The following PLXNC1 variants were observed in gnomAD, a reference collection of about 807,000 sequenced individuals.
The protein encoded by PLXNC1 is plexin-C1.
Under a neutral mutation model 178.2 loss-of-function variants are expected in PLXNC1, and 75 were observed. That is an observed-to-expected ratio of 0.42 (90% CI 0.35 to 0.51). The LOEUF (loss-of-function observed/expected upper bound fraction) is 0.51, where lower values mean the gene tolerates loss of function less well. PLXNC1 is among the 20% of genes least tolerant of loss of function. The pLI is 0.02. For synonymous variants in PLXNC1, 790 were observed against 779.9 expected (o/e 1.01, Z -0.22); for missense variants, 1,503 against 1,984.4 (o/e 0.76, Z 4.61).
intron 17 of PLXNC1, chr12:94,256,349 G>T (rs1278578408): frequency 6.6e-6 from 1 of 152,174 alleles, no homozygotes; most frequent in Non-Finnish European, 1.5e-5. Context: ...GGGTCTGGAG[G>T]TTGGAATGCC....
At chr12:94,304,121 A>T in intron 30 of PLXNC1, 70 bp downstream of exon 30, 1 of 1,016,900 alleles carries the variant, frequency 9.8e-7, no homozygotes, top group Non-Finnish European at 1.5e-6. Context: ...GCATTCTGTC[A>T]GTTTCAGAAC....
At position 94,177,161 on chromosome 12, in the gene PLXNC1, G is replaced by A. The variant is rs1409583721; in HGVS notation, c.1204-4285G>A. On this transcript the variant is annotated intron_variant, in intron 2 of 30. Coordinates refer to ENST00000258526, the MANE Select transcript of PLXNC1 (RefSeq NM_005761.3). ...TATGTGTGTGTGTGTATATATATAT[G>A]TATATATATATATACGTATATATAT... Among the ~76,000 whole-genome samples the A allele has an allele frequency of 6.4e-3, 584 of 91,176 alleles. 5 individuals are homozygous for A. Among genetic ancestry groups the A allele is most frequent in the Middle Eastern group, 0.015 (3 of 196 alleles). The allele number at this position is 91,176 out of a possible 152,430, so 59.8% of individuals were successfully genotyped here. A position where few individuals can be genotyped will look rare whatever the true frequency, so the allele number is the denominator to read the frequency against.
At chr12:94,227,809 C>T (rs1357573036) in intron 9 of PLXNC1, among the ~76,000 whole-genome samples, 2 of 152,206 alleles carry the variant, frequency 1.3e-5, no homozygotes, top group Admixed American at 6.5e-5. Context: ...TAAGCCCCCA[C>T]GTCAGTCATG....
intron 23 of PLXNC1, chr12:94,282,754 G>C (rs1592915040): frequency 5.4e-6 from 1 of 184,428 alleles, no homozygotes; most frequent in East Asian, 1.4e-4. Flanking sequence ...ACAAAGCCCG[G>C]GAAGTCCCAA....
Position 94,300,972 on chromosome 12 carries a change from A to C in PLXNC1, c.4301A>C (p.Lys1434Thr), listed in dbSNP as rs749525873. The change falls in exon 28 of 31, where the codon AAG becomes ACG. Residue 1434 changes from lysine to threonine, a missense_variant. Physicochemically the swap from Lys to Thr is moderately conservative, Grantham distance 78. Transcript: ENST00000258526. ...CCTCAGTTTGTCTTTGACATTAAGA[A>C]GACACCACATATAGACGGCTGTTTG... ...KNPQFVFDIKKTPHIDGCLSV... is the reference protein window; with the variant it reads ...KNPQFVFDIKTTPHIDGCLSV... 1.9e-6 allele frequency: 3 copies of C among 1,613,820 alleles called. No individual in the cohort carries two copies. In the Admixed American group the frequency reaches 5.0e-5, roughly 27 times the overall value.
chr12:94,254,883 G>T lies in PLXNC1; in HGVS notation c.2978G>T (p.Arg993Leu). Reference protein sequence around the residue: ...LLESELRKEIRDGFAELQMDK... With the variant: ...LLESELRKEILDGFAELQMDK... ...GAAAGCGAGCTCCGGAAAGAGATACGTGACGGTAGGCTCCAAAATTGTGTT... is the reference window on the plus strand; with the variant it reads ...GAAAGCGAGCTCCGGAAAGAGATACTTGACGGTAGGCTCCAAAATTGTGTT... Residue 993 changes from arginine to leucine, a missense_variant, in exon 16 of 31, where the codon CGT (arginine) becomes CTT (leucine). Physicochemically the swap from Arg to Leu is moderately radical, Grantham distance 102 (BLOSUM62 -2). Coordinates refer to ENST00000258526, the MANE Select transcript of PLXNC1 (RefSeq NM_005761.3). 6.2e-7 allele frequency: 1 copy of T among 1,607,660 alleles called. No individual in the cohort carries two copies. Among genetic ancestry groups the T allele is most frequent in the South Asian group, 1.1e-5 (1 of 89,648 alleles).
chr12:94,151,130 A>G (rs1186599163), intron 1 of PLXNC1, among the ~76,000 whole-genome samples: 1 of 152,198 alleles, frequency 6.6e-6, no homozygotes, highest in Non-Finnish European at 1.5e-5. Flanking sequence ...ATTAACGGCT[A>G]CAGGTGTTGC....
chr12:94,213,203 T>C (rs1297478154), intron 5 of PLXNC1, among the ~76,000 whole-genome samples: 3 of 152,240 alleles, frequency 2.0e-5, no homozygotes, highest in Non-Finnish European at 2.9e-5. Flanking sequence ...ATATTTCTAG[T>C]TCTAGATCCT....
At chr12:94,293,949 C>G (rs1967631645) in intron 23 of PLXNC1, among the ~76,000 whole-genome samples, 1 of 152,050 alleles carries the variant, frequency 6.6e-6, no homozygotes, top group Non-Finnish European at 1.5e-5. Flanking sequence ...GGGCACTATT[C>G]CCATCATGAG....
chr12:94,227,566 T>C (rs1963981389), intron 9 of PLXNC1: 2 of 241,490 alleles, frequency 8.3e-6, no homozygotes, highest in South Asian at 5.3e-5. Flanking sequence ...ACTTGCACTT[T>C]ATATAATTGC....
In PLXNC1 at chr12:94,255,300, A is replaced by G. The variant is rs1964808533; in HGVS notation, c.3087+4A>G. The stretch of plus-strand genomic sequence containing the variant: ...TCTGAGAACTTTCTTCCCTGAGGTA[A>G]AAGAGCATTGATCATATTCCGAAGG... On this transcript the variant is annotated splice_donor_region_variant and intron_variant, in intron 17 of 30. Coordinates refer to ENST00000258526, the MANE Select transcript of PLXNC1 (RefSeq NM_005761.3). The G allele has an allele frequency of 6.4e-7, 1 of 1,561,524 alleles. No individual in the cohort carries two copies. The highest frequency in any genetic ancestry group is 8.8e-7 in the Non-Finnish European group (1 of 1,131,980).
chr12:94,277,755 T>C (rs1245840514), intron 21 of PLXNC1: 10 of 354,658 alleles, frequency 2.8e-5, no homozygotes, highest in African/African-American at 6.4e-5. Context: ...ATGCCAACAA[T>C]AGTAATTGTA....
intron 22 of PLXNC1, among the ~76,000 whole-genome samples, chr12:94,280,569 C>A (rs891325561): frequency 2.6e-5 from 4 of 152,214 alleles, no homozygotes; most frequent in Admixed American, 6.5e-5. Flanking sequence ...GAAAGCAGGG[C>A]TGCTAAGGCA....
At chr12:94,235,305 T>C (rs1331466172) in intron 9 of PLXNC1, among the ~76,000 whole-genome samples, 2 of 152,220 alleles carry the variant, frequency 1.3e-5, no homozygotes, top group Non-Finnish European at 2.9e-5. Context: ...CGTAGAGCCA[T>C]TTAAGGAGCA....
rs1284228601 is a variant in PLXNC1, at chr12:94,306,011, A to C, written c.*726A>C. 1 of 152,166 alleles carries C rather than the reference A, an allele frequency of 6.6e-6. No homozygotes were observed. The highest frequency in any genetic ancestry group is 6.6e-5 in the Admixed American group (1 of 15,258). 9.4% of individuals were successfully genotyped at this position (152,166 alleles called of 1,614,324 possible). A position where few individuals can be genotyped will look rare whatever the true frequency, so the allele number is the denominator to read the frequency against. ...GCATTTTAACCAGATACTTTGTCCT[A>C]ATGTATGTTCCTTTTCTTCATCTGT... On this transcript the variant is annotated 3_prime_UTR_variant, in exon 31 of 31. Transcript: ENST00000258526.
chr12:94,212,783 G>A (rs1346207874), intron 5 of PLXNC1, among the ~76,000 whole-genome samples: 1 of 147,902 alleles, frequency 6.8e-6, no homozygotes, highest in African/African-American at 2.5e-5. Context: ...GCAGTGGCAC[G>A]ATCTTGGCTC....
At chr12:94,221,822 A>G (rs558583380) in intron 6 of PLXNC1, among the ~76,000 whole-genome samples, 1 of 152,280 alleles carries the variant, frequency 6.6e-6, no homozygotes, top group South Asian at 2.1e-4. Context: ...AGCCTCTTCT[A>G]TAAGGACACT....
intron 28 of PLXNC1, among the ~76,000 whole-genome samples, chr12:94,302,155 G>C (rs1275335255): frequency 6.6e-6 from 1 of 152,154 alleles, no homozygotes; most frequent in Non-Finnish European, 1.5e-5. Context: ...TTACCTACCA[G>C]CTAAAGTCTT....
At chr12:94,160,130 G>A (rs141335680) in intron 1 of PLXNC1, among the ~76,000 whole-genome samples, 10 of 152,196 alleles carry the variant, frequency 6.6e-5, no homozygotes, top group African/African-American at 2.4e-4. Flanking sequence ...AGTGTGCCAG[G>A]CCCTGTGTCA....
Sources: allele counts gnomAD v4.1 joint callset (sites outside exome capture counted in the v4.1 genomes callset), GRCh38; gene constraint gnomAD v4.1.1; transcripts MANE v1.5; gene names NCBI Gene and HGNC (gene_info 2026-07-23, HGNC 2026-07-21).